Variants in ZCCHC7 observed in about 807,000 individuals in gnomAD.
The protein encoded by ZCCHC7 is zinc finger CCHC-type containing 7, also known as zinc finger CCHC domain-containing protein 7.
ZCCHC7 carries 35 observed loss-of-function variants against 52.0 expected under a neutral mutation model. The ratio of observed to expected loss-of-function variants is 0.67; its 90% CI spans 0.51 to 0.89. The LOEUF (loss-of-function observed/expected upper bound fraction) is 0.89. ZCCHC7 is among the 40% of genes least tolerant of loss of function. The pLI is 0.00. For missense variants in ZCCHC7, 574 were observed against 649.1 expected, an observed-to-expected ratio of 0.88 and a Z score of 1.26; for synonymous variants, 217 against 221.5, an observed-to-expected ratio of 0.98 and a Z score of 0.18.
intron 5 of ZCCHC7, among the ~76,000 whole-genome samples, chr9:37,318,879 G>A (rs1261863342): frequency 6.6e-6 from 1 of 150,972 alleles, no homozygotes; most frequent in East Asian, 1.9e-4. Context: ...GGAGGTGGAG[G>A]TTGCAGTGAG....
chr9:37,225,290 G>A (rs1047973401), intron 2 of ZCCHC7, among the ~76,000 whole-genome samples: 3 of 152,146 alleles, frequency 2.0e-5, no homozygotes, highest in Non-Finnish European at 4.4e-5. Flanking sequence ...TCTTATTAAA[G>A]AAGGTGAATT....
At chr9:37,219,739 G>A (rs1168504345) in intron 2 of ZCCHC7, among the ~76,000 whole-genome samples, 1 of 152,194 alleles carries the variant, frequency 6.6e-6, no homozygotes, top group Non-Finnish European at 1.5e-5. Context: ...TTAGAATCAT[G>A]TGAGTCCAAA....
chr9:37,155,650 T>C lies in ZCCHC7; in HGVS notation c.610+28708T>C, dbSNP rs1049769800. 2.0e-5 allele frequency among the ~76,000 whole-genome samples: 3 copies of C among 152,368 alleles called. No homozygotes were observed. The East Asian group carries it at 5.8e-4, about 29-fold the overall frequency. Reference sequence around the variant, plus strand: ...ATTGGTGTTCTGAGAAATTGAATCTTACAGAGTTCTTTAATTTTGAAAGTT... The same window carrying C: ...ATTGGTGTTCTGAGAAATTGAATCTCACAGAGTTCTTTAATTTTGAAAGTT... On this transcript the variant is annotated intron_variant, in intron 2 of 8. Transcript: ENST00000336755.
chr9:37,336,130 G>A (rs1830639355), intron 6 of ZCCHC7, among the ~76,000 whole-genome samples: 1 of 152,050 alleles, frequency 6.6e-6, no homozygotes, highest in Non-Finnish European at 1.5e-5. Flanking sequence ...TGCACTTTAG[G>A]TAAAACTACT....
Position 37,123,165 on chromosome 9 carries a change from A to G in ZCCHC7, c.-22+2542A>G, listed in dbSNP as rs559638041. On this transcript the variant is annotated intron_variant, in intron 1 of 8. Transcript: ENST00000336755. Reference sequence around the variant, plus strand: ...TGGGAATCATGTACAGGGATAAAAAAGCTGAGAAAGCCTTCTGAGTCAAGG... The same window carrying G: ...TGGGAATCATGTACAGGGATAAAAAGGCTGAGAAAGCCTTCTGAGTCAAGG... Among the ~76,000 whole-genome samples, 85 of 150,954 alleles carry G rather than the reference A, an allele frequency of 5.6e-4. 1 individual carries two copies. Among genetic ancestry groups the G allele is most frequent in the African/African-American group, 2.0e-3 (81 of 40,750 alleles).
intron 2 of ZCCHC7, among the ~76,000 whole-genome samples, chr9:37,164,195 A>G (rs1345227727): frequency 6.6e-6 from 1 of 151,918 alleles, no homozygotes; most frequent in Non-Finnish European, 1.5e-5. Flanking sequence ...TAATCCCAAC[A>G]CTTTGGGAGG....
At chr9:37,134,566 A>G (rs960137657) in intron 2 of ZCCHC7, among the ~76,000 whole-genome samples, 1 of 152,230 alleles carries the variant, frequency 6.6e-6, no homozygotes, top group African/African-American at 2.4e-5. Flanking sequence ...GCAAAACATG[A>G]TAAAATCTAT....
intron 2 of ZCCHC7, among the ~76,000 whole-genome samples, chr9:37,262,439 A>G (rs182781913): frequency 2.0e-5 from 3 of 152,300 alleles, no homozygotes; most frequent in Admixed American, 1.3e-4. Context: ...ACTTGTTGCA[A>G]TAACTTATAC....
At chr9:37,270,698 A>G (rs145350215) in intron 2 of ZCCHC7, among the ~76,000 whole-genome samples, 6,059 of 151,288 alleles carry the variant, frequency 0.04, 185 homozygotes, top group Middle Eastern at 0.062. Context: ...AAAAAAAAAG[A>G]AAAGAAAAAG....
chr9:37,260,491 A>G (rs1457225330), intron 2 of ZCCHC7, among the ~76,000 whole-genome samples: 2 of 152,244 alleles, frequency 1.3e-5, no homozygotes, highest in Admixed American at 1.3e-4. Flanking sequence ...CAAGATGGCG[A>G]CAAAGGACCG....
intron 6 of ZCCHC7, among the ~76,000 whole-genome samples, chr9:37,334,318 T>A (rs957874886): frequency 6.6e-6 from 1 of 151,940 alleles, no homozygotes; most frequent in African/African-American, 2.4e-5. Context: ...ATTTTGGTAG[T>A]CATGCATGTG....
At chr9:37,174,661 C>T (rs753566114) in intron 2 of ZCCHC7, among the ~76,000 whole-genome samples, 11 of 152,054 alleles carry the variant, frequency 7.2e-5, no homozygotes, top group Non-Finnish European at 1.2e-4. Flanking sequence ...TATGTCATTC[C>T]TAGTAGCTGA....
intron 2 of ZCCHC7, among the ~76,000 whole-genome samples, chr9:37,272,198 A>G (rs1827450112): frequency 6.6e-6 from 1 of 152,230 alleles, no homozygotes; most frequent in Non-Finnish European, 1.5e-5. Flanking sequence ...GTTTATTTCC[A>G]TGAATAATCC....
chr9:37,349,373 C>T lies in ZCCHC7; in HGVS notation c.1004C>T (p.Pro335Leu), dbSNP rs1257296323. The T allele has an allele frequency of 6.2e-7, 1 of 1,613,850 alleles. No individual in the cohort carries two copies. ...QYHLTTKPGPPKKPKTPSRPS... is the reference protein window; with the variant it reads ...QYHLTTKPGPLKKPKTPSRPS... ...ATGTTGCAGACCAAACCTGGACCAC[C>T]CAAAAAGCCGAAGACCCCTTCAAGA... Residue 335 changes from proline to leucine, a missense_variant, in exon 7 of 9, where the codon CCC (proline) becomes CTC (leucine). This residue lies in a region of ZCCHC7 where 403 missense variants were observed against 461.2 expected (regional missense o/e 0.87). Transcript: ENST00000336755.
rs769537849 is a variant in ZCCHC7 at position 37,357,194 on chromosome 9, A to T, written c.1558A>T (p.Lys520Ter). Residue 520 changes from lysine (K) to a stop codon, truncating the protein, a stop_gained, in exon 9 of 9, where the codon AAA becomes TAA. Transcript: ENST00000336755. LOFTEE classifies it high-confidence loss of function. ...PKEGKRGKQK[K>*]KERCWEDDDN... is the part of the protein sequence containing the mutation. ...GGAAGGCAAGAGGGGCAAGCAGAAG[A>T]AAAAGGAGAGGTGCTGGGAAGATGA... 6.2e-7 allele frequency: 1 copy of T among 1,613,514 alleles called. No homozygotes were observed. The highest frequency in any genetic ancestry group is 8.5e-7 in the Non-Finnish European group (1 of 1,179,862).
chr9:37,152,850 G>A (rs915217835), intron 2 of ZCCHC7, among the ~76,000 whole-genome samples: 3 of 152,156 alleles, frequency 2.0e-5, no homozygotes, highest in Admixed American at 6.5e-5. Flanking sequence ...ACTATACACA[G>A]CCCATACTTA....
At chr9:37,351,855 C>A (rs1249588537) in intron 7 of ZCCHC7, among the ~76,000 whole-genome samples, 2 of 152,334 alleles carry the variant, frequency 1.3e-5, no homozygotes, top group African/African-American at 4.8e-5. Context: ...TTACTAGTCA[C>A]TTCTGTTAAG....
chr9:37,191,466 C>T (rs1823018597), intron 2 of ZCCHC7, among the ~76,000 whole-genome samples: 1 of 151,492 alleles, frequency 6.6e-6, no homozygotes, highest in African/African-American at 2.4e-5. Context: ...ATTTTAGATT[C>T]TTCACCCCTA....
At chr9:37,288,685 C>G (rs1828381597) in intron 2 of ZCCHC7, among the ~76,000 whole-genome samples, 1 of 152,246 alleles carries the variant, frequency 6.6e-6, no homozygotes, top group South Asian at 2.1e-4. Context: ...CAGTCTTTTT[C>G]TTACCTGCCC....
Sources: gnomAD v4.1 joint callset for allele counts (sites outside exome capture counted in the v4.1 genomes callset) on GRCh38, gnomAD v4.1.1 for gene constraint, gnomAD v4.1.1 regional missense constraint, MANE v1.5 for transcripts, NCBI Gene and HGNC (gene_info 2026-07-23, HGNC 2026-07-21) for gene names.